CYYR1: variants seen among roughly 807,000 people sequenced by gnomAD.
CYYR1 encodes the protein cysteine and tyrosine rich 1.
CYYR1 carries 14 observed loss-of-function variants against 15.2 expected under a neutral mutation model. The ratio of observed to expected loss-of-function variants is 0.92; its 90% CI spans 0.61 to 1.44. The LOEUF (loss-of-function observed/expected upper bound fraction) is 1.44, where lower values mean the gene tolerates loss of function less well. Among genes scored for constraint, CYYR1 ranks in the 40% most tolerant of loss-of-function variants. The probability of loss-of-function intolerance (pLI) is 0.00; values close to 1 mark genes in which losing one functional copy is unlikely to be tolerated. For missense variants in CYYR1, 228 were observed against 209.5 expected, an observed-to-expected ratio of 1.09 and a Z score of -0.54; for synonymous variants, 80 against 77.4, an observed-to-expected ratio of 1.03 and a Z score of -0.18.
At chr21:26,527,531 T>C (rs2123589282) in intron 2 of CYYR1, among the ~76,000 whole-genome samples, 1 of 152,346 alleles carries the variant, frequency 6.6e-6, no homozygotes, top group Admixed American at 6.5e-5. Context: ...TTTTTCATTA[T>C]ATGGACAATT....
At chr21:26,509,498 ATGCTGATAGCAGC>A (rs1248342942) in intron 2 of CYYR1, among the ~76,000 whole-genome samples, 1 of 152,212 alleles carries the variant, frequency 6.6e-6, no homozygotes, top group Non-Finnish European at 1.5e-5. Context: ...TAATGGTATA[ATGCTGATAGCAGC>A]TGTAGAAAGG....
chr21:26,495,025 G>A (rs962590550), intron 2 of CYYR1, among the ~76,000 whole-genome samples: 1 of 152,166 alleles, frequency 6.6e-6, no homozygotes, highest in African/African-American at 2.4e-5. Flanking sequence ...CAGGCAAAAG[G>A]AAAGAGGAAC....
At chr21:26,477,729 A>G (rs1051326675) in intron 3 of CYYR1, 3 of 984,700 alleles carry the variant, frequency 3.0e-6, no homozygotes, top group Admixed American at 6.2e-5. Flanking sequence ...CTGCAAAGCA[A>G]TTCTTCATAC....
At chr21:26,542,296 T>TGTGC (rs1569167530) in intron 2 of CYYR1, among the ~76,000 whole-genome samples, 2 of 148,734 alleles carry the variant, frequency 1.3e-5, no homozygotes, top group Non-Finnish European at 3.0e-5. Context: ...TGTGCGTGTG[T>TGTGC]GTGTGTGTGT....
At chr21:26,541,907 T>A (rs1055440114) in intron 2 of CYYR1, among the ~76,000 whole-genome samples, 1 of 152,068 alleles carries the variant, frequency 6.6e-6, no homozygotes, top group African/African-American at 2.4e-5. Flanking sequence ...AAAGCCAAGA[T>A]AAATTAAAAT....
rs2064968743 is a variant in CYYR1 at position 26,466,422 on chromosome 21, T to C, written c.*2079A>G. 6.6e-6 allele frequency: 1 copy of C among 152,142 alleles called. No homozygotes were observed. Among genetic ancestry groups the C allele is most frequent in the Non-Finnish European group, 1.5e-5 (1 of 68,042 alleles). The allele number at this position is 152,142 out of a possible 1,614,324, so 9.4% of individuals were successfully genotyped here. A position where few individuals can be genotyped will look rare whatever the true frequency, so the allele number is the denominator to read the frequency against. The stretch of plus-strand genomic sequence containing the variant: ...ATGCTATTATGACACTTAATACAAA[T>C]AGTAAAAATACTCATCTATTGTAGG... On this transcript the variant is annotated 3_prime_UTR_variant, in exon 4 of 4. Transcript: ENST00000652641.
At chr21:26,514,647 T>C (rs1194339104) in intron 2 of CYYR1, among the ~76,000 whole-genome samples, 1 of 152,128 alleles carries the variant, frequency 6.6e-6, no homozygotes, top group Non-Finnish European at 1.5e-5. Flanking sequence ...AGGGAGACAG[T>C]AGACTACAGG....
chr21:26,565,616 A>G (rs1980560502), intron 2 of CYYR1, among the ~76,000 whole-genome samples: 1 of 152,190 alleles, frequency 6.6e-6, no homozygotes, highest in Non-Finnish European at 1.5e-5. Context: ...CTTTGTCCAG[A>G]ATCGGCTCTA....
intron 2 of CYYR1, among the ~76,000 whole-genome samples, chr21:26,520,824 T>TG (rs1047120155): frequency 5.6e-4 from 85 of 152,342 alleles, no homozygotes; most frequent in African/African-American, 2.0e-3. Context: ...GTTTCTCTGA[T>TG]GATCAGTGAT....
chr21:26,555,838 T>A (rs1297246265), intron 2 of CYYR1, among the ~76,000 whole-genome samples: 1 of 152,150 alleles, frequency 6.6e-6, no homozygotes. Context: ...TCCAACATAA[T>A]GGAATAAAAA....
intron 2 of CYYR1, among the ~76,000 whole-genome samples, chr21:26,520,163 C>T (rs969413929): frequency 7.2e-6 from 1 of 139,302 alleles, no homozygotes; most frequent in Non-Finnish European, 1.5e-5. Flanking sequence ...AGGTTTATTA[C>T]ACAGGTATCC....
rs115959631 is a variant in CYYR1 at position 26,499,875 on chromosome 21, G to A, written c.177-19446C>T. 3.9e-3 allele frequency among the ~76,000 whole-genome samples: 582 copies of A among 151,014 alleles called. 2 individuals carry two copies. The highest frequency in any genetic ancestry group is 0.013 in the African/African-American group (544 of 41,076). ...TTTCAGAGAAGGGGTCTATGGTAGT[G>A]CAGGGAGAGAACTGGAAAGGGCTTG... On this transcript the variant is annotated intron_variant, in intron 2 of 3. Coordinates refer to ENST00000652641, the MANE Select transcript of CYYR1 (RefSeq NM_001320768.2).
chr21:26,501,758 G>A, intron 2 of CYYR1, among the ~76,000 whole-genome samples: 1 of 152,100 alleles, frequency 6.6e-6, no homozygotes, highest in Non-Finnish European at 1.5e-5. Context: ...ATGAAAACCT[G>A]ACAAGTAATA....
chr21:26,528,142 ACAT>A (rs771800473), intron 2 of CYYR1, among the ~76,000 whole-genome samples: 1 of 152,258 alleles, frequency 6.6e-6, no homozygotes, highest in South Asian at 2.1e-4. Context: ...CCAAAAAATA[ACAT>A]CATTTTTGTT....
chr21:26,561,411 C>G (rs921715581), intron 2 of CYYR1, among the ~76,000 whole-genome samples: 3 of 151,746 alleles, frequency 2.0e-5, no homozygotes, highest in Admixed American at 1.3e-4. Context: ...CACTAAGATA[C>G]TTAATGATCA....
intron 1 of CYYR1, among the ~76,000 whole-genome samples, chr21:26,572,368 TAGACCCTGGGTGA>T (rs1275974327): frequency 6.6e-6 from 1 of 152,218 alleles, no homozygotes; most frequent in Non-Finnish European, 1.5e-5. Context: ...CTGTACAGAT[TAGACCCTGGGTGA>T]ATTCATGCTT....
intron 2 of CYYR1, among the ~76,000 whole-genome samples, chr21:26,535,032 T>C (rs900114726): frequency 5.3e-5 from 8 of 152,174 alleles, no homozygotes; most frequent in African/African-American, 1.9e-4. Flanking sequence ...AACTTATTCA[T>C]TCATTTTTAT....
chr21:26,468,353 T>C lies in CYYR1; in HGVS notation c.*148A>G. The stretch of plus-strand genomic sequence containing the variant: ...AGCTTTGAGCAGAGTAGAAATCCTA[T>C]ATCTCCTAGCAGGGATATTCCACCT... On this transcript the variant is annotated 3_prime_UTR_variant, in exon 4 of 4. Coordinates refer to ENST00000652641, the MANE Select transcript of CYYR1 (RefSeq NM_001320768.2). 1 of 700,924 alleles carries C rather than the reference T, an allele frequency of 1.4e-6. No individual in the cohort carries two copies. The highest frequency in any genetic ancestry group is 2.6e-6 in the Non-Finnish European group (1 of 383,940). 43.4% of individuals were successfully genotyped at this position (700,924 alleles called of 1,614,324 possible). A position where few individuals can be genotyped will look rare whatever the true frequency, so the allele number is the denominator to read the frequency against.
intron 2 of CYYR1, chr21:26,482,351 T>C (rs773350785): frequency 2.1e-5 from 21 of 985,276 alleles, no homozygotes; most frequent in Non-Finnish European, 2.4e-5. Context: ...CTAGAAATCT[T>C]TCCCACATTA....
Sources: allele counts gnomAD v4.1 joint callset (sites outside exome capture counted in the v4.1 genomes callset), GRCh38; gene constraint gnomAD v4.1.1; transcripts MANE v1.5; gene names NCBI Gene and HGNC (gene_info 2026-07-23, HGNC 2026-07-21).